The following SH3BGRL2 variants were observed in gnomAD, a reference collection of about 807,000 sequenced individuals.
The protein encoded by SH3BGRL2 is SH3 domain binding glutamate rich protein like 2, also known as SH3 domain-binding glutamic acid-rich-like protein 2.
SH3BGRL2 carries 21 observed loss-of-function variants against 14.8 expected under a neutral mutation model. That is an observed-to-expected ratio of 1.42 (90% CI 1.01 to 2.05). The LOEUF (loss-of-function observed/expected upper bound fraction) is 2.05. Among genes scored for constraint, SH3BGRL2 ranks in the 30% most tolerant of loss-of-function variants. The pLI, the probability that SH3BGRL2 is intolerant of heterozygous loss-of-function variation, is 0.00. For synonymous variants in SH3BGRL2, 50 were observed against 47.8 expected, an observed-to-expected ratio of 1.05 and a Z score of -0.19; for missense variants, 147 against 130.8, an observed-to-expected ratio of 1.12 and a Z score of -0.61.
chr6:79,567,965 G>A, the SH3BGRL2 span, among the ~76,000 whole-genome samples: 1 of 152,112 alleles, frequency 6.6e-6, no homozygotes, highest in Non-Finnish European at 1.5e-5. Flanking sequence ...AAAAACCAAT[G>A]ACTAGTAACA....
intron 1 of SH3BGRL2, among the ~76,000 whole-genome samples, chr6:79,671,125 A>G (rs1250559409): frequency 3.3e-5 from 5 of 149,266 alleles, no homozygotes; most frequent in African/African-American, 1.2e-4. Flanking sequence ...GTGTTTAAGT[A>G]AAAAAAAAAC....
intron 1 of SH3BGRL2, among the ~76,000 whole-genome samples, chr6:79,632,447 A>G (rs1355161044): frequency 2.6e-5 from 4 of 152,190 alleles, no homozygotes; most frequent in Non-Finnish European, 4.4e-5. Flanking sequence ...TGTGACATAT[A>G]TAATCAAGTA....
intron 1 of SH3BGRL2, among the ~76,000 whole-genome samples, chr6:79,641,364 C>G (rs2127723943): frequency 6.6e-6 from 1 of 152,308 alleles, no homozygotes; most frequent in East Asian, 1.9e-4. Flanking sequence ...AAACTGCTTA[C>G]TAGCCAAAAT....
intron 1 of SH3BGRL2, among the ~76,000 whole-genome samples, chr6:79,641,062 T>C (rs1015576454): frequency 6.6e-6 from 1 of 152,148 alleles, no homozygotes; most frequent in African/African-American, 2.4e-5. Context: ...TTGTTTTCCT[T>C]CTGCATGTTC....
At chr6:79,602,314 G>A in the SH3BGRL2 span, among the ~76,000 whole-genome samples, 1 of 152,092 alleles carries the variant, frequency 6.6e-6, no homozygotes, top group African/African-American at 2.4e-5. Context: ...AGTGTACAGG[G>A]AACTAAGAAA....
At chr6:79,602,142 T>C in the SH3BGRL2 span, among the ~76,000 whole-genome samples, 1 of 152,210 alleles carries the variant, frequency 6.6e-6, no homozygotes, top group African/African-American at 2.4e-5. Context: ...GAAAATCACT[T>C]TTTAAAATGC....
the SH3BGRL2 span, among the ~76,000 whole-genome samples, chr6:79,621,943 G>A: frequency 6.6e-6 from 1 of 152,024 alleles, no homozygotes; most frequent in Non-Finnish European, 1.5e-5. Flanking sequence ...TGCCATATTT[G>A]AGGCTGTGGC....
chr6:79,635,354 CCA>C (rs1768902624), intron 1 of SH3BGRL2, among the ~76,000 whole-genome samples: 2 of 152,216 alleles, frequency 1.3e-5, no homozygotes, highest in Non-Finnish European at 2.9e-5. Context: ...CCATTTATGT[CCA>C]GTCAGTGCAG....
intron 1 of SH3BGRL2, among the ~76,000 whole-genome samples, chr6:79,658,823 T>C (rs1473989863): frequency 6.6e-6 from 1 of 152,222 alleles, no homozygotes; most frequent in East Asian, 1.9e-4. Context: ...TGACTTTTAA[T>C]GATTGCCATT....
the SH3BGRL2 span, among the ~76,000 whole-genome samples, chr6:79,622,355 T>C: frequency 6.6e-6 from 1 of 152,212 alleles, no homozygotes; most frequent in African/African-American, 2.4e-5. Context: ...TGCAGCAAAT[T>C]GTAAGAAAAT....
chr6:79,676,969 TG>T (rs1359214662), intron 2 of SH3BGRL2, among the ~76,000 whole-genome samples: 1 of 152,174 alleles, frequency 6.6e-6, no homozygotes, highest in Non-Finnish European at 1.5e-5. Context: ...CTTCTGTGCT[TG>T]AACGGTGTTA....
the SH3BGRL2 span, among the ~76,000 whole-genome samples, chr6:79,602,870 A>C: frequency 6.6e-6 from 1 of 152,228 alleles, no homozygotes; most frequent in Non-Finnish European, 1.5e-5. Flanking sequence ...AAAGACTGAA[A>C]ACCCAGAAGA....
At position 79,690,737 on chromosome 6, in the gene SH3BGRL2, T is replaced by C. The variant is rs1194868056; in HGVS notation, c.232-5748T>C. ...ATGAATCTGTGGTTGCATCAGACAGTGGTTGGTGCAAGTAGAAGTATAACA... is the reference window on the plus strand; with the variant it reads ...ATGAATCTGTGGTTGCATCAGACAGCGGTTGGTGCAAGTAGAAGTATAACA... On this transcript the variant is annotated intron_variant, in intron 2 of 3. Transcript: ENST00000369838. 2.0e-5 allele frequency among the ~76,000 whole-genome samples: 3 copies of C among 152,246 alleles called. No individual in the cohort carries two copies. The East Asian group carries it at 5.8e-4, about 30-fold the overall frequency.
At chr6:79,546,656 G>A in the SH3BGRL2 span, among the ~76,000 whole-genome samples, 2 of 151,994 alleles carry the variant, frequency 1.3e-5, no homozygotes, top group South Asian at 2.1e-4. Flanking sequence ...TTGAAGAAGA[G>A]GAGATTGGCA....
chr6:79,588,028 T>G, the SH3BGRL2 span, among the ~76,000 whole-genome samples: 3 of 151,394 alleles, frequency 2.0e-5, no homozygotes, highest in Non-Finnish European at 4.4e-5. Flanking sequence ...GTGCGGTGGC[T>G]CATGGCTGTA....
the SH3BGRL2 span, among the ~76,000 whole-genome samples, chr6:79,595,600 G>A: frequency 0.25 from 37,368 of 152,050 alleles, 4,763 homozygotes; most frequent in Middle Eastern, 0.42. Context: ...AGTAGACACA[G>A]AAAATGCATT....
chr6:79,638,793 A>G (rs1172992335), intron 1 of SH3BGRL2, among the ~76,000 whole-genome samples: 1 of 152,004 alleles, frequency 6.6e-6, no homozygotes, highest in African/African-American at 2.4e-5. Context: ...TAGTTGGATT[A>G]TTTATTTTTT....
At chr6:79,585,908 A>G in the SH3BGRL2 span, among the ~76,000 whole-genome samples, 4 of 152,100 alleles carry the variant, frequency 2.6e-5, no homozygotes, top group African/African-American at 9.7e-5. Flanking sequence ...AAATGTTATA[A>G]GATTTGGCCA....
At chr6:79,551,565 TCCAGCCAAGA>T in the SH3BGRL2 span, among the ~76,000 whole-genome samples, 3 of 152,094 alleles carry the variant, frequency 2.0e-5, no homozygotes, top group African/African-American at 4.8e-5. Context: ...GAGATATGCC[TCCAGCCAAGA>T]CCAGAAACAG....
Sources: allele counts gnomAD v4.1 joint callset (sites outside exome capture counted in the v4.1 genomes callset), GRCh38; gene constraint gnomAD v4.1.1; transcripts MANE v1.5; gene names NCBI Gene and HGNC (gene_info 2026-07-23, HGNC 2026-07-21).